TGFBR3: variants seen among roughly 807,000 people sequenced by gnomAD.
TGFBR3 encodes transforming growth factor beta receptor 3, also known as transforming growth factor beta receptor type 3.
Under a neutral mutation model 87.9 loss-of-function variants are expected in TGFBR3, and 46 were observed. The observed-to-expected ratio is 0.52, with a 90% CI of 0.41 to 0.67. The LOEUF (loss-of-function observed/expected upper bound fraction) is 0.67, where lower values mean the gene tolerates loss of function less well. Ranked by LOEUF, TGFBR3 falls within the 30% of genes least tolerant of loss-of-function variation. The probability of loss-of-function intolerance (pLI) is 0.00; values close to 1 mark genes in which losing one functional copy is unlikely to be tolerated. For missense variants in TGFBR3, 866 were observed against 1,041.9 expected, an observed-to-expected ratio of 0.83 and a Z score of 2.32; for synonymous variants, 381 against 391.6, an observed-to-expected ratio of 0.97 and a Z score of 0.32.
At chr1:91,734,525 C>G (rs957430250) in intron 5 of TGFBR3, among the ~76,000 whole-genome samples, 5 of 152,202 alleles carry the variant, frequency 3.3e-5, no homozygotes, top group African/African-American at 1.2e-4. Context: ...CACACAACAA[C>G]CTTCTCCTCT....
upstream of TGFBR3, among the ~76,000 whole-genome samples, chr1:91,887,052 T>A (rs1557764094): frequency 6.6e-6 from 1 of 152,008 alleles, no homozygotes; most frequent in Non-Finnish European, 1.5e-5. Context: ...TAACAGGACA[T>A]TGTTTTACAA....
intron 1 of TGFBR3, among the ~76,000 whole-genome samples, chr1:91,903,337 T>TAAA (rs1176997739): frequency 3.3e-4 from 1 of 3,000 alleles, no homozygotes; most frequent in Non-Finnish European, 3.0e-3. Flanking sequence ...AGATTCTGCC[T>TAAA]CAAAAAAAAA....
At chr1:91,815,973 G>C (rs1676209499) in intron 2 of TGFBR3, among the ~76,000 whole-genome samples, 1 of 152,194 alleles carries the variant, frequency 6.6e-6, no homozygotes, top group Admixed American at 6.5e-5. Context: ...GGGGGCTTTA[G>C]AAGTGGGAAT....
chr1:91,797,315 C>A lies in TGFBR3; in HGVS notation c.218G>T (p.Gly73Val). The A allele has an allele frequency of 2.5e-6, 4 of 1,614,220 alleles. No individual in the cohort carries two copies. The highest frequency in any genetic ancestry group is 3.4e-6 in the Non-Finnish European group (4 of 1,180,040). Residue 73 changes from glycine to valine, a missense_variant, in exon 3 of 17, where the codon GGC (glycine) becomes GTC (valine). Transcript: ENST00000212355. ...TCTCTGTAGCTGGCCAGGCCCCTGG[C>A]CTGCAGTGCGGAGATTCAGGACATG... ...EVHVLNLRTA[G>V]QGPGQLQREV...
chr1:91,735,065 C>T, intron 4 of TGFBR3, 106 bp from the exon 5 acceptor site: 1 of 1,325,416 alleles, frequency 7.5e-7, no homozygotes, highest in Non-Finnish European at 1.1e-6. Flanking sequence ...CGAACCTCTT[C>T]CCTTTGTTAT....
chr1:91,904,863 GC>G (rs1418214904), intron 1 of TGFBR3, among the ~76,000 whole-genome samples: 1 of 152,012 alleles, frequency 6.6e-6, no homozygotes, highest in Non-Finnish European at 1.5e-5. Flanking sequence ...ACCGCGCCCG[GC>G]CTAATTTTTG....
chr1:91,700,685 G>A (rs182621745), intron 14 of TGFBR3, among the ~76,000 whole-genome samples: 5 of 152,268 alleles, frequency 3.3e-5, no homozygotes, highest in East Asian at 1.9e-4. Flanking sequence ...CACTAATTAC[G>A]CTAACTACAG....
At chr1:91,743,377 T>G (rs1673224175) in intron 4 of TGFBR3, among the ~76,000 whole-genome samples, 1 of 152,088 alleles carries the variant, frequency 6.6e-6, no homozygotes, top group African/African-American at 2.4e-5. Flanking sequence ...CCACCCTAGA[T>G]CAAAAGTGGA....
At chr1:91,753,262 C>G (rs555168312) in intron 4 of TGFBR3, among the ~76,000 whole-genome samples, 12 of 145,064 alleles carry the variant, frequency 8.3e-5, no homozygotes, top group African/African-American at 2.8e-4. Context: ...TGTTGGCATG[C>G]ACCTGTAGTC....
chr1:91,719,581 T>C, intron 9 of TGFBR3, 117 bp from the exon 10 acceptor site: 1 of 1,294,102 alleles, frequency 7.7e-7, no homozygotes, highest in East Asian at 2.4e-5. Flanking sequence ...GCCTGCATCG[T>C]GCCCCTTCCC....
chr1:91,897,050 T>C (rs1482271159), intron 2 of TGFBR3, among the ~76,000 whole-genome samples: 1 of 152,138 alleles, frequency 6.6e-6, no homozygotes, highest in Non-Finnish European at 1.5e-5. Flanking sequence ...CAGGTTCAAC[T>C]CAGCTGGAAT....
chr1:91,768,360 A>G (rs1331528399), intron 3 of TGFBR3, among the ~76,000 whole-genome samples: 1 of 152,126 alleles, frequency 6.6e-6, no homozygotes, highest in Non-Finnish European at 1.5e-5. Flanking sequence ...TGGGACTTGT[A>G]TTTTTATCAC....
intron 2 of TGFBR3, among the ~76,000 whole-genome samples, chr1:91,855,225 C>A (rs560484998): frequency 6.6e-6 from 1 of 152,300 alleles, no homozygotes; most frequent in South Asian, 2.1e-4. Context: ...AGTTTGCAGG[C>A]GAGTTTCCAA....
chr1:91,774,045 C>A (rs916225102), intron 3 of TGFBR3, among the ~76,000 whole-genome samples: 1 of 152,090 alleles, frequency 6.6e-6, no homozygotes, highest in Non-Finnish European at 1.5e-5. Flanking sequence ...TAAGGGTAAA[C>A]CATGATTTAC....
intron 16 of TGFBR3, among the ~76,000 whole-genome samples, chr1:91,689,840 T>TAAAAAAAA (rs545760131): frequency 1.0e-5 from 1 of 99,282 alleles, no homozygotes; most frequent in South Asian, 3.8e-4. Flanking sequence ...AGAAACTGAT[T>TAAAAAAAA]AAAAAAAAAA....
At chr1:91,770,800 G>A (rs1182179149) in intron 3 of TGFBR3, 1 of 152,160 alleles carries the variant, frequency 6.6e-6, no homozygotes, top group African/African-American at 2.4e-5. Flanking sequence ...CAGGAACACT[G>A]AGAAATACAA....
At chr1:91,842,394 C>T (rs1194813328) in intron 2 of TGFBR3, among the ~76,000 whole-genome samples, 1 of 152,194 alleles carries the variant, frequency 6.6e-6, no homozygotes, top group African/African-American at 2.4e-5. Context: ...AATACACAGC[C>T]TCAATCCACT....
chr1:91,693,521 A>G (rs770129565), intron 16 of TGFBR3, among the ~76,000 whole-genome samples: 7 of 152,192 alleles, frequency 4.6e-5, no homozygotes, highest in Non-Finnish European at 7.3e-5. Context: ...TTTGCTTTTT[A>G]TCAGGTTTGT....
intron 3 of TGFBR3, among the ~76,000 whole-genome samples, chr1:91,772,531 A>C (rs1674419571): frequency 1.3e-5 from 2 of 152,162 alleles, no homozygotes. Flanking sequence ...TATAACCATA[A>C]ACTATCAATG....
Sources: gnomAD v4.1 joint callset for allele counts (sites outside exome capture counted in the v4.1 genomes callset) on GRCh38, gnomAD v4.1.1 for gene constraint, MANE v1.5 for transcripts, NCBI Gene and HGNC (gene_info 2026-07-23, HGNC 2026-07-21) for gene names.